The following GABRG1 variants were observed in gnomAD, a reference collection of about 807,000 sequenced individuals.
The protein encoded by GABRG1 is gamma-aminobutyric acid type A receptor subunit gamma1.
In GABRG1, 49 loss-of-function variants were observed where a neutral mutation model predicts 49.8. That is an observed-to-expected ratio of 0.98 (90% CI 0.78 to 1.25). GABRG1 has a LOEUF of 1.25. GABRG1 is among the 50% of genes most tolerant of loss of function. GABRG1 has a pLI of 0.00. For missense variants in GABRG1, 552 were observed against 552.3 expected, an observed-to-expected ratio of 1.00 and a Z score of 0.01; for synonymous variants, 232 against 185.1, an observed-to-expected ratio of 1.25 and a Z score of -2.06.
chr4:46,117,743 C>T (rs140022603), intron 1 of GABRG1, among the ~76,000 whole-genome samples: 49 of 141,518 alleles, frequency 3.5e-4, no homozygotes, highest in East Asian at 6.2e-4. Context: ...TACATATACA[C>T]ATATACATAC....
At chr4:46,102,936 C>T (rs1720428428) in intron 1 of GABRG1, among the ~76,000 whole-genome samples, 1 of 151,558 alleles carries the variant, frequency 6.6e-6, no homozygotes, top group Non-Finnish European at 1.5e-5. Context: ...TTAATATAAA[C>T]TATTTTTCAT....
intron 8 of GABRG1, among the ~76,000 whole-genome samples, chr4:46,042,461 G>A (rs980008213): frequency 2.0e-5 from 3 of 151,814 alleles, no homozygotes; most frequent in Non-Finnish European, 4.4e-5. Flanking sequence ...ACAACTTATT[G>A]TATTCAGCAA....
intron 3 of GABRG1, 72 bp from the exon 4 acceptor site, chr4:46,065,656 T>C: frequency 1.4e-6 from 1 of 732,854 alleles, no homozygotes; most frequent in South Asian, 1.9e-5. Flanking sequence ...AAGTTTGAAT[T>C]TTTGTATTGT....
At chr4:46,079,035 T>G (rs1421153978) in intron 3 of GABRG1, among the ~76,000 whole-genome samples, 1 of 151,682 alleles carries the variant, frequency 6.6e-6, no homozygotes, top group African/African-American at 2.4e-5. Flanking sequence ...GTTTGTGACT[T>G]CTGTAGCTCC....
rs1455414535 is a variant in GABRG1 at position 46,040,168 on chromosome 4, T to C, written c.*820A>G. 2.0e-5 allele frequency: 3 copies of C among 151,930 alleles called. No individual in the cohort carries two copies. Among genetic ancestry groups the C allele is most frequent in the Non-Finnish European group, 2.9e-5 (2 of 67,896 alleles). 9.4% of individuals were successfully genotyped at this position (151,930 alleles called of 1,614,324 possible). On this transcript the variant is annotated 3_prime_UTR_variant, in exon 9 of 9. Transcript: ENST00000295452. ...ATAATCATTTCTCTCTGCATTTAAT[T>C]TGCATTAATGTGCATTTGCAGATTT... is the stretch of plus-strand genomic sequence containing the variant.
At chr4:46,062,259 T>G (rs2109406188) in intron 5 of GABRG1, among the ~76,000 whole-genome samples, 1 of 152,138 alleles carries the variant, frequency 6.6e-6, no homozygotes, top group African/African-American at 2.4e-5. Flanking sequence ...CCACATTTTC[T>G]TAATCCAGTC....
chr4:46,044,397 C>T (rs1316062790), intron 8 of GABRG1, among the ~76,000 whole-genome samples: 1 of 152,038 alleles, frequency 6.6e-6, no homozygotes, highest in East Asian at 1.9e-4. Flanking sequence ...GGGAGGATGG[C>T]TTGATCTCAG....
chr4:46,096,172 A>G (rs1244262141), intron 2 of GABRG1, among the ~76,000 whole-genome samples: 1 of 151,874 alleles, frequency 6.6e-6, no homozygotes, highest in Non-Finnish European at 1.5e-5. Flanking sequence ...AAACAAATTT[A>G]CAAATATTAC....
chr4:46,035,981 A>G lies in GABRG1; in HGVS notation c.*5007T>C, dbSNP rs2109386233. 1 of 152,096 alleles carries G rather than the reference A, an allele frequency of 6.6e-6. No individual in the cohort carries two copies. The highest frequency in any genetic ancestry group is 2.1e-4 in the South Asian group (1 of 4,826). The allele number at this position is 152,096 out of a possible 1,614,324, so 9.4% of individuals were successfully genotyped here. On this transcript the variant is annotated 3_prime_UTR_variant, in exon 9 of 9. Coordinates refer to ENST00000295452, the MANE Select transcript of GABRG1 (RefSeq NM_173536.4). ...TACAAAGTGACTACAAACACTTAAT[A>G]GATGCAAATAATTGTTATTACAGTG... is the stretch of plus-strand genomic sequence containing the variant.
intron 8 of GABRG1, among the ~76,000 whole-genome samples, chr4:46,043,017 A>C (rs983585347): frequency 1.3e-5 from 2 of 151,946 alleles, no homozygotes; most frequent in African/African-American, 4.8e-5. Context: ...AAAAAAAAAG[A>C]GAGAGACGAA....
intron 1 of GABRG1, among the ~76,000 whole-genome samples, chr4:46,122,865 A>T (rs1347383443): frequency 6.6e-6 from 1 of 152,082 alleles, no homozygotes; most frequent in African/African-American, 2.4e-5. Context: ...GCATGGTATG[A>T]GTACCATGTC....
intron 1 of GABRG1, among the ~76,000 whole-genome samples, chr4:46,110,423 T>C (rs1295190237): frequency 1.3e-5 from 2 of 151,070 alleles, no homozygotes; most frequent in Non-Finnish European, 3.0e-5. Context: ...GACAGGTGTC[T>C]TGAAGACAGC....
At chr4:46,116,937 C>A (rs1720911730) in intron 1 of GABRG1, among the ~76,000 whole-genome samples, 3 of 150,502 alleles carry the variant, frequency 2.0e-5, no homozygotes, top group Non-Finnish European at 4.5e-5. Flanking sequence ...TCAACACACT[C>A]TATTACACGT....
chr4:46,080,362 G>A (rs1476107587), intron 3 of GABRG1, among the ~76,000 whole-genome samples: 2 of 151,766 alleles, frequency 1.3e-5, no homozygotes, highest in African/African-American at 2.4e-5. Context: ...TAATTTCCCT[G>A]TATTGTTTAG....
At chr4:46,120,040 G>A (rs1721049383) in intron 1 of GABRG1, among the ~76,000 whole-genome samples, 1 of 151,622 alleles carries the variant, frequency 6.6e-6, no homozygotes, top group South Asian at 2.1e-4. Context: ...TTCTGGAAAT[G>A]CATACGACAA....
intron 2 of GABRG1, among the ~76,000 whole-genome samples, chr4:46,086,906 T>C (rs1719780002): frequency 6.6e-6 from 1 of 151,562 alleles, no homozygotes; most frequent in Admixed American, 6.6e-5. Flanking sequence ...TTTTGTTTTG[T>C]TTTTAGAAAG....
chr4:46,070,140 T>A (rs978412469), intron 3 of GABRG1, among the ~76,000 whole-genome samples: 1 of 151,948 alleles, frequency 6.6e-6, no homozygotes, highest in Non-Finnish European at 1.5e-5. Flanking sequence ...TTAGCAACTA[T>A]TATCTAAAAT....
chr4:46,088,522 G>A (rs1719863790), intron 2 of GABRG1, among the ~76,000 whole-genome samples: 1 of 151,786 alleles, frequency 6.6e-6, no homozygotes, highest in African/African-American at 2.4e-5. Context: ...TCATAGTACT[G>A]GAGTCACTGA....
intron 3 of GABRG1, among the ~76,000 whole-genome samples, chr4:46,070,061 A>G (rs1719060498): frequency 6.6e-6 from 1 of 151,972 alleles, no homozygotes; most frequent in African/African-American, 2.4e-5. Flanking sequence ...GAAAAAGTAG[A>G]CATCTTCTGT....
Sources: allele counts gnomAD v4.1 joint callset (sites outside exome capture counted in the v4.1 genomes callset), GRCh38; gene constraint gnomAD v4.1.1; transcripts MANE v1.5; gene names NCBI Gene and HGNC (gene_info 2026-07-23, HGNC 2026-07-21).